Variants in PKIG observed in about 807,000 individuals in gnomAD.
PKIG encodes the protein protein kinase (cAMP-dependent, catalytic) inhibitor gamma.
PKIG carries 1 observed loss-of-function variant against 6.8 expected under a neutral mutation model. The observed-to-expected ratio is 0.15, with a 90% confidence interval of 0.05 to 0.69. The LOEUF is 0.69. Ranked by LOEUF, PKIG falls within the 30% of genes least tolerant of loss-of-function variation. The pLI, the probability that PKIG is intolerant of heterozygous loss-of-function variation, is 0.82. For missense variants in PKIG, 77 were observed against 104.0 expected (o/e 0.74, Z 1.13); for synonymous variants, 39 against 43.0 (o/e 0.91, Z 0.36).
intron 2 of PKIG, among the ~76,000 whole-genome samples, chr20:44,596,140 C>G (rs2065073350): frequency 6.6e-6 from 1 of 152,098 alleles, no homozygotes. Context: ...GGGTACCTAC[C>G]CTCTTGGAAT....
chr20:44,583,877 A>T (rs1343974753), intron 1 of PKIG, among the ~76,000 whole-genome samples: 2 of 152,158 alleles, frequency 1.3e-5, no homozygotes, highest in Non-Finnish European at 2.9e-5. Flanking sequence ...TGCCTGTAGG[A>T]CAGTTAAAAG....
rs370633924 is a variant in PKIG, at chr20:44,614,773, C to G, written c.151+66C>G. On this transcript the variant is annotated intron_variant, in intron 3 of 3. Coordinates refer to ENST00000372886, the MANE Select transcript of PKIG (RefSeq NM_001281445.2). This position sits in a 1 kb window ranked among gnomAD's most constrained non-coding sequence, Gnocchi z 4.6. ...GCCCTCTGCCGGGCCCCGGGCTAGC[C>G]TCCAAGTCCTAGACTGCCCATACTT... The G allele has an allele frequency of 6.5e-7, 1 of 1,544,142 alleles. No individual in the cohort carries two copies. Among genetic ancestry groups the G allele is most frequent in the Non-Finnish European group, 8.9e-7 (1 of 1,127,460 alleles).
rs244100 is a variant in PKIG at position 44,595,909 on chromosome 20, A to G, written c.-24+6043A>G. Among the ~76,000 whole-genome samples, 659 of 152,246 alleles carry G rather than the reference A, an allele frequency of 4.3e-3. 4 individuals are homozygous for G. The highest frequency in any genetic ancestry group is 0.015 in the African/African-American group (617 of 41,540). ...CCCAAACATGTCAACATGTTTGAAC[A>G]TAGTATATTCACCCCATAAGTGGTA... On this transcript the variant is annotated intron_variant, in intron 2 of 3. Coordinates refer to ENST00000372886, the MANE Select transcript of PKIG (RefSeq NM_001281445.2).
chr20:44,562,381 C>T (rs1373938542), intron 1 of PKIG, among the ~76,000 whole-genome samples: 4 of 151,518 alleles, frequency 2.6e-5, no homozygotes, highest in African/African-American at 7.3e-5. Context: ...GGGACCGAGG[C>T]GGGCAAATCA....
intron 1 of PKIG, among the ~76,000 whole-genome samples, chr20:44,562,361 A>T (rs1027715371): frequency 2.6e-5 from 4 of 151,938 alleles, no homozygotes; most frequent in African/African-American, 9.7e-5. Context: ...CTTTAATCCC[A>T]GTACTTTGGG....
At chr20:44,548,383 T>C (rs2064635808) in intron 1 of PKIG, among the ~76,000 whole-genome samples, 1 of 152,178 alleles carries the variant, frequency 6.6e-6, no homozygotes, top group Admixed American at 6.5e-5. Flanking sequence ...CTTCATAATA[T>C]TCGTGGCAGA....
intron 1 of PKIG, among the ~76,000 whole-genome samples, chr20:44,536,081 G>A (rs1002732434): frequency 2.6e-5 from 4 of 152,210 alleles, no homozygotes; most frequent in African/African-American, 9.7e-5. Flanking sequence ...TCTGTGACGG[G>A]CTTATTTCAC....
At chr20:44,543,703 T>C (rs1442001748) in intron 1 of PKIG, among the ~76,000 whole-genome samples, 1 of 152,100 alleles carries the variant, frequency 6.6e-6, no homozygotes, top group Non-Finnish European at 1.5e-5. Context: ...AGCAGCAAAA[T>C]AGCTGCAGTA....
chr20:44,595,527 T>G (rs2065068021), intron 2 of PKIG, among the ~76,000 whole-genome samples: 1 of 152,128 alleles, frequency 6.6e-6, no homozygotes, highest in Admixed American at 6.5e-5. Context: ...TTTATTTATT[T>G]TTTTGAGATG....
chr20:44,599,349 A>G (rs2065100839), intron 2 of PKIG, among the ~76,000 whole-genome samples: 1 of 152,210 alleles, frequency 6.6e-6, no homozygotes, highest in African/African-American at 2.4e-5. Flanking sequence ...ACTATGGGAT[A>G]ATGATACTTT....
At chr20:44,603,671 G>C (rs929509313) in intron 2 of PKIG, among the ~76,000 whole-genome samples, 5 of 152,194 alleles carry the variant, frequency 3.3e-5, no homozygotes, top group Non-Finnish European at 7.3e-5. Flanking sequence ...TGAGAGGCTT[G>C]TCTAGATGAG....
At chr20:44,548,344 A>C (rs1568805517) in intron 1 of PKIG, among the ~76,000 whole-genome samples, 1 of 152,192 alleles carries the variant, frequency 6.6e-6, no homozygotes, top group African/African-American at 2.4e-5. Context: ...GAGTCAAGCC[A>C]ATTCCTTCTG....
intron 2 of PKIG, among the ~76,000 whole-genome samples, chr20:44,591,100 C>T (rs902741284): frequency 1.3e-4 from 20 of 152,082 alleles, no homozygotes; most frequent in African/African-American, 4.1e-4. Flanking sequence ...CAGTAGTCTG[C>T]GGTAGGTCCA....
At chr20:44,580,109 A>G (rs138632475), upstream of PKIG, among the ~76,000 whole-genome samples, 475 of 152,358 alleles carry the variant, frequency 3.1e-3, 2 homozygotes, top group Non-Finnish European at 5.6e-3. Context: ...GGATGATGAA[A>G]TGGTCAGAAT....
chr20:44,586,331 CT>C (rs919145176), intron 1 of PKIG, among the ~76,000 whole-genome samples: 13 of 152,254 alleles, frequency 8.5e-5, no homozygotes, highest in African/African-American at 2.9e-4. Flanking sequence ...CATCTGCCCC[CT>C]CAGACATAGG....
At chr20:44,560,067 A>G (rs1439865425) in intron 1 of PKIG, among the ~76,000 whole-genome samples, 1 of 90,660 alleles carries the variant, frequency 1.1e-5, no homozygotes, top group African/African-American at 7.6e-5. Context: ...AAAAAATACA[A>G]AAAAAAAAAG....
intron 2 of PKIG, among the ~76,000 whole-genome samples, chr20:44,591,132 G>A (rs895295905): frequency 2.6e-5 from 4 of 152,160 alleles, no homozygotes; most frequent in African/African-American, 9.7e-5. Context: ...GGCAGAGGGT[G>A]CTGCGGCTTG....
intron 1 of PKIG, among the ~76,000 whole-genome samples, chr20:44,543,006 C>T (rs2064576349): frequency 6.6e-6 from 1 of 152,172 alleles, no homozygotes. Context: ...GAAATGGTCG[C>T]TGTGCTTTTA....
chr20:44,587,546 T>C (rs1187763755), intron 1 of PKIG, among the ~76,000 whole-genome samples: 1 of 152,226 alleles, frequency 6.6e-6, no homozygotes. Flanking sequence ...GTGACTTTTG[T>C]AGTCTAAAAT....
Sources: gnomAD v4.1 joint callset for allele counts (sites outside exome capture counted in the v4.1 genomes callset) on GRCh38, gnomAD v4.1.1 for gene constraint, Gnocchi (gnomAD v3.1) non-coding constraint, MANE v1.5 for transcripts, NCBI Gene and HGNC (gene_info 2026-07-23, HGNC 2026-07-21) for gene names.